GSTO1: variants seen among roughly 807,000 people sequenced by gnomAD.
GSTO1 encodes the protein glutathione S-transferase omega-1.
GSTO1 carries 27 observed loss-of-function variants against 23.8 expected under a neutral mutation model. The observed-to-expected ratio is 1.13, with a 90% CI of 0.83 to 1.56. The LOEUF is 1.56. Among genes scored for constraint, GSTO1 ranks in the 40% most tolerant of loss-of-function variants. The pLI is 0.00. For missense variants in GSTO1, 255 were observed against 285.8 expected (o/e 0.89, Z 0.78); for synonymous variants, 105 against 109.3 (o/e 0.96, Z 0.25).
At chr10:104,265,051 C>T (rs1190263261) in intron 4 of GSTO1, among the ~76,000 whole-genome samples, 3 of 152,044 alleles carry the variant, frequency 2.0e-5, no homozygotes, top group Non-Finnish European at 4.4e-5. Flanking sequence ...GCTTTTGCAC[C>T]GTCGTAAAGT....
At chr10:104,254,844 G>A (rs1410251732), upstream of GSTO1, 16 of 1,320,014 alleles carry the variant, frequency 1.2e-5, no homozygotes, top group Admixed American at 2.5e-4. Context: ...GGAAGCGGGG[G>A]AGGGAAGGAG....
rs879918395 is a variant in GSTO1 at position 104,267,404 on chromosome 10, G to GA, written c.*1dup. The GA allele has an allele frequency of 6.2e-7, 1 of 1,605,588 alleles. No homozygotes were observed. Residue 242 remains the stop codon, a frameshift_variant and stop_retained_variant, in exon 6 of 6, where the codon TGA becomes TGAA. Transcript: ENST00000369713. LOFTEE classifies it high-confidence loss of function. ...NSPEACDYGL[*] is the part of the protein sequence containing the mutation. ...CCTGAGGCCTGTGACTATGGGCTCT[G>GA]AAGGGGGCAGGAGTCAGCAATAAAG... is the stretch of plus-strand genomic sequence containing the variant.
rs145991674 is a variant in GSTO1 at position 104,264,473 on chromosome 10, G to T, written c.465+1396G>T. 3.9e-5 allele frequency among the ~76,000 whole-genome samples: 6 copies of T among 152,256 alleles called. No individual in the cohort carries two copies. In the East Asian group the frequency reaches 9.6e-4, roughly 24 times the overall value. ...TTATTTATAAAGGGCAAATTAGTTT[G>T]GTGGTTTAAATAGCCAGATAATATT... On this transcript the variant is annotated intron_variant, in intron 4 of 5. Transcript: ENST00000369713.
At chr10:104,257,091 CTA>C (rs2011104378) in intron 2 of GSTO1, among the ~76,000 whole-genome samples, 1 of 151,818 alleles carries the variant, frequency 6.6e-6, no homozygotes. Flanking sequence ...GTATTGGTGT[CTA>C]TTTTTTTTTT....
At chr10:104,255,295 T>C in intron 2 of GSTO1, 24 bp downstream of exon 2, 2 of 1,503,998 alleles carry the variant, frequency 1.3e-6, no homozygotes, top group Non-Finnish European at 1.9e-6. Context: ...CGGGGGACGC[T>C]CCCCGAGCCG....
chr10:104,255,030 C>G, intron 1 of GSTO1, 68 bp downstream of exon 1: 1 of 1,518,804 alleles, frequency 6.6e-7, no homozygotes, highest in South Asian at 1.2e-5. Flanking sequence ...GAGGCTGCTC[C>G]GGGAGCCCAG....
chr10:104,265,648 T>C (rs2011173166), intron 4 of GSTO1, among the ~76,000 whole-genome samples: 1 of 152,240 alleles, frequency 6.6e-6, no homozygotes. Flanking sequence ...TATTGCATTT[T>C]GGTTTTAATT....
intron 5 of GSTO1, 114 bp from the exon 6 acceptor site, chr10:104,267,136 ATG>A: frequency 6.8e-6 from 4 of 585,454 alleles, no homozygotes; most frequent in Non-Finnish European, 1.2e-5. Flanking sequence ...AATATTTTTA[ATG>A]AAATATTTAA....
At position 104,254,911 on chromosome 10, in the gene GSTO1, G is replaced by T. The variant is rs2091593806; in HGVS notation, c.-18G>T. ...TCCCCTGCAAACCCCAGAGGAGCTC[G>T]GCCTGCGCTGCGCCACGATGTCCGG... is the stretch of plus-strand genomic sequence containing the variant. On this transcript the variant is annotated 5_prime_UTR_variant, in exon 1 of 6. Coordinates refer to ENST00000369713, the MANE Select transcript of GSTO1 (RefSeq NM_004832.3). 6.2e-7 allele frequency: 1 copy of T among 1,611,060 alleles called. No individual in the cohort carries two copies. Among genetic ancestry groups the T allele is most frequent in the East Asian group, 2.2e-5 (1 of 44,748 alleles).
intron 4 of GSTO1, 94 bp downstream of exon 4, chr10:104,263,171 G>A: frequency 3.4e-6 from 2 of 590,932 alleles, no homozygotes; most frequent in Middle Eastern, 4.6e-4. Context: ...CACTTTCCAA[G>A]TCACTTTAAG....
chr10:104,262,049 T>G (rs1476984362), intron 3 of GSTO1, among the ~76,000 whole-genome samples: 1 of 132,398 alleles, frequency 7.6e-6, no homozygotes, highest in Non-Finnish European at 1.5e-5. Flanking sequence ...GACACACACA[T>G]AGAGTTCAAA....
chr10:104,257,239 C>G (rs929716399), intron 2 of GSTO1, among the ~76,000 whole-genome samples: 7 of 152,008 alleles, frequency 4.6e-5, no homozygotes, highest in Non-Finnish European at 8.8e-5. Context: ...TGGACTTCAC[C>G]TGTTTTCTTC....
At chr10:104,264,217 A>G (rs2011161191) in intron 4 of GSTO1, among the ~76,000 whole-genome samples, 1 of 152,154 alleles carries the variant, frequency 6.6e-6, no homozygotes, top group Non-Finnish European at 1.5e-5. Context: ...TAACAGGGGT[A>G]GATTTTTCAT....
chr10:104,267,363 C>G lies in GSTO1; in HGVS notation c.684C>G (p.Leu228=), dbSNP rs1161491792. The part of the protein sequence containing the change: ...SEKDWQGFLE[L]YLQNSPEACD... ...AAGACTGGCAAGGTTTCCTAGAGCT[C>G]TACTTACAGAACAGCCCTGAGGCCT... Residue 228 remains leucine, a synonymous_variant, in exon 6 of 6, where the codon CTC becomes CTG. Coordinates refer to ENST00000369713, the MANE Select transcript of GSTO1 (RefSeq NM_004832.3). 1 of 1,613,756 alleles carries G rather than the reference C, an allele frequency of 6.2e-7. No individual in the cohort carries two copies. The highest frequency in any genetic ancestry group is 8.5e-7 in the Non-Finnish European group (1 of 1,179,786).
chr10:104,261,821 C>T (rs1408167367), intron 3 of GSTO1, among the ~76,000 whole-genome samples: 2 of 152,118 alleles, frequency 1.3e-5, no homozygotes, highest in Non-Finnish European at 2.9e-5. Flanking sequence ...TGGACTTCTG[C>T]GTCTTGCAAT....
chr10:104,259,471 A>C lies in GSTO1; in HGVS notation c.144-105A>C, dbSNP rs1190337139. ...ATGGAAGGAATCTAGGCAGACTCCT[A>C]AATTTGGGGTCTGATCAGCTAAGTG... is the stretch of plus-strand genomic sequence containing the variant. On this transcript the variant is annotated intron_variant, in intron 2 of 5. Transcript: ENST00000369713. 6.0e-6 allele frequency: 4 copies of C among 664,212 alleles called. No individual in the cohort carries two copies. In the African/African-American group the frequency reaches 7.3e-5, roughly 12 times the overall value. 41.1% of individuals were successfully genotyped at this position (664,212 alleles called of 1,614,324 possible). A position where few individuals can be genotyped will look rare whatever the true frequency, so the allele number is the denominator to read the frequency against.
chr10:104,261,699 A>C (rs2011141045), intron 3 of GSTO1, among the ~76,000 whole-genome samples: 2 of 152,212 alleles, frequency 1.3e-5, no homozygotes, highest in Non-Finnish European at 2.9e-5. Flanking sequence ...ATGTGGATGA[A>C]AGGGCTGCCT....
At chr10:104,255,135 C>T in intron 1 of GSTO1, 28 bp from the exon 2 acceptor site, 1 of 1,566,998 alleles carries the variant, frequency 6.4e-7, no homozygotes, top group South Asian at 1.1e-5. Flanking sequence ...CTCTCTGGGC[C>T]GTAATCGCCT....
chr10:104,264,678 C>T (rs1290762201), intron 4 of GSTO1, among the ~76,000 whole-genome samples: 1 of 152,008 alleles, frequency 6.6e-6, no homozygotes, highest in African/African-American at 2.4e-5. Context: ...TCCAATAAAC[C>T]CACCGTAAGC....
Sources: allele counts gnomAD v4.1 joint callset (sites outside exome capture counted in the v4.1 genomes callset), GRCh38; gene constraint gnomAD v4.1.1; transcripts MANE v1.5; gene names NCBI Gene and HGNC (gene_info 2026-07-23, HGNC 2026-07-21).